Variants in SATB1 observed in about 807,000 individuals in gnomAD.
SATB1 encodes the protein DNA-binding protein SATB1.
In SATB1, 11 loss-of-function variants were observed where a neutral mutation model predicts 86.9. The ratio of observed to expected loss-of-function variants is 0.13; its 90% CI spans 0.08 to 0.21. The LOEUF (loss-of-function observed/expected upper bound fraction) is 0.21. Ranked by LOEUF, SATB1 falls within the 10% of genes least tolerant of loss-of-function variation. The pLI, the probability that SATB1 is intolerant of heterozygous loss-of-function variation, is 1.00. For missense variants in SATB1, 551 were observed against 937.6 expected (o/e 0.59, Z 5.39); for synonymous variants, 357 against 357.2 (o/e 1.00, Z 0.01).
At chr3:18,351,432 G>A in intron 10 of SATB1, 1 of 1,498,838 alleles carries the variant, frequency 6.7e-7, no homozygotes, top group Non-Finnish European at 9.0e-7. Context: ...AAACAGAGAT[G>A]ACTCACCCCT....
intron 5 of SATB1, among the ~76,000 whole-genome samples, chr3:18,405,712 G>C (rs1431290619): frequency 1.3e-5 from 2 of 151,842 alleles, no homozygotes; most frequent in Non-Finnish European, 2.9e-5. Flanking sequence ...CCCAAAATTG[G>C]CTTATAATTT....
At chr3:18,445,153 C>G (rs1364283003) in intron 1 of SATB1, 1 of 903,000 alleles carries the variant, frequency 1.1e-6, no homozygotes, top group African/African-American at 1.8e-5. Context: ...GCTTGTGCGG[C>G]GCGGGCTGGC....
chr3:18,414,600 T>C, intron 5 of SATB1, among the ~76,000 whole-genome samples: 1 of 152,090 alleles, frequency 6.6e-6, no homozygotes, highest in East Asian at 1.9e-4. Flanking sequence ...CAACCTTTAG[T>C]TAAGAGTAAT....
intron 7 of SATB1, among the ~76,000 whole-genome samples, chr3:18,388,511 T>C (rs998364756): frequency 6.6e-6 from 1 of 152,128 alleles, no homozygotes; most frequent in Non-Finnish European, 1.5e-5. Flanking sequence ...AATAATCTAA[T>C]ATTCACTTTC....
rs1412299986 is a variant in SATB1, at chr3:18,444,650, C to T, written c.-25+868G>A. 4 of 983,946 alleles carry T rather than the reference C, an allele frequency of 4.1e-6. No homozygotes were observed. Among genetic ancestry groups the T allele is most frequent in the East Asian group, 1.2e-4 (1 of 8,560 alleles). 61.0% of individuals were successfully genotyped at this position (983,946 alleles called of 1,614,324 possible). On this transcript the variant is annotated intron_variant, in intron 1 of 3. Coordinates refer to the SATB1 transcript ENST00000415069. The surrounding 1 kb of genome is among the most constrained non-coding windows in gnomAD (Gnocchi z 5.1). ...GGCGGCGGTGGCTGTCGAGTGCGGG[C>T]CTGAAACCAAGAACGGCTCCCCGGG...
chr3:18,349,494 C>G lies in SATB1; in HGVS notation c.1968G>C (p.Leu656Phe). 6.2e-7 allele frequency: 1 copy of G among 1,614,136 alleles called. No individual in the cohort carries two copies. Among genetic ancestry groups the G allele is most frequent in the Non-Finnish European group, 8.5e-7 (1 of 1,180,026 alleles). ...CTTGTATGAAACTCTGGAGGATTCC[C>G]AAGGCTTCCACTGAAATTTTTGTTC... Reference protein sequence around the residue: ...RPRTKISVEALGILQSFIQDV... With the variant: ...RPRTKISVEAFGILQSFIQDV... Residue 656 changes from leucine to phenylalanine, a missense_variant, in exon 11 of 11, where the codon TTG becomes TTC. By Grantham distance (22) the Leu-to-Phe change is conservative (BLOSUM62 0). This residue lies in a region of SATB1 where 87 missense variants were observed against 103.6 expected (regional missense o/e 0.84). Transcript: ENST00000338745. This position sits in a 1 kb window ranked among gnomAD's most constrained non-coding sequence, Gnocchi z 5.5.
intron 9 of SATB1, among the ~76,000 whole-genome samples, chr3:18,362,476 C>A (rs1694948378): frequency 6.6e-6 from 1 of 151,960 alleles, no homozygotes; most frequent in Admixed American, 6.6e-5. Context: ...ATACTGTATA[C>A]ACCTCTGCAA....
intron 6 of SATB1, among the ~76,000 whole-genome samples, chr3:18,395,718 G>A (rs1421594717): frequency 1.3e-5 from 2 of 152,148 alleles, no homozygotes; most frequent in Non-Finnish European, 2.9e-5. Flanking sequence ...GCAGGGAATC[G>A]TTCTGGTACA....
intron 5 of SATB1, among the ~76,000 whole-genome samples, chr3:18,405,145 ATTATG>A (rs1348404300): frequency 6.6e-6 from 1 of 152,034 alleles, no homozygotes; most frequent in Non-Finnish European, 1.5e-5. Context: ...TAACTTATAT[ATTATG>A]TTATATCCAA....
intron 9 of SATB1, among the ~76,000 whole-genome samples, chr3:18,371,405 T>C (rs1353137945): frequency 1.3e-5 from 2 of 152,164 alleles, no homozygotes; most frequent in African/African-American, 4.8e-5. Flanking sequence ...TATTTTTAAA[T>C]GGGTGGTCTA....
At chr3:18,409,229 T>G (rs1167140098) in intron 5 of SATB1, 3 of 152,110 alleles carry the variant, frequency 2.0e-5, no homozygotes, top group Non-Finnish European at 4.4e-5. Context: ...TTAAATTAGA[T>G]GCTTTATTAA....
chr3:18,443,826 G>A lies in SATB1; in HGVS notation c.-25+1692C>T, dbSNP rs1053939910. 2.0e-5 allele frequency among the ~76,000 whole-genome samples: 3 copies of A among 152,200 alleles called. No individual in the cohort carries two copies. The highest frequency in any genetic ancestry group is 7.2e-5 in the African/African-American group (3 of 41,442). ...CTGCACCTGTGATGTCCCGGCCCCT[G>A]CTAAGAGGACGGCCCTTTCTTCTGC... On this transcript the variant is annotated intron_variant, in intron 1 of 3. Coordinates refer to the SATB1 transcript ENST00000415069. This position sits in a 1 kb window ranked among gnomAD's most constrained non-coding sequence, Gnocchi z 4.4.
chr3:18,358,070 A>T (rs899511907), intron 9 of SATB1, among the ~76,000 whole-genome samples: 2 of 151,994 alleles, frequency 1.3e-5, no homozygotes, highest in African/African-American at 4.8e-5. Flanking sequence ...AAATTTCATC[A>T]TCTAGACCAT....
In SATB1 at chr3:18,409,916, C is replaced by T. The variant is rs183365591; in HGVS notation, c.639+5195G>A. ...CAAACAGACCCAAGAAATTCATCTG[C>T]CCACTATTTCTAATGAAAATGACTA... On this transcript the variant is annotated intron_variant, in intron 5 of 10. Transcript: ENST00000338745. Among the ~76,000 whole-genome samples, 43 of 152,100 alleles carry T rather than the reference C, an allele frequency of 2.8e-4. 1 individual carries two copies. In the East Asian group the frequency reaches 8.0e-3, roughly 28 times the overall value.
rs1475934557 is a variant in SATB1, at chr3:18,349,395, G to C, written c.2067C>G (p.Ile689Met). 6.2e-7 allele frequency: 1 copy of C among 1,614,202 alleles called. No individual in the cohort carries two copies. Among genetic ancestry groups the C allele is most frequent in the Admixed American group, 1.7e-5 (1 of 60,022 alleles). ...ACCGCTGGTTCTGAAAGAACTTGAT[G>C]ATGGTGTACTTGGGAAGGTCGAGCT... ...SAQLDLPKYTIIKFFQNQRYY... is the reference protein window; with the variant it reads ...SAQLDLPKYTMIKFFQNQRYY... Residue 689 changes from isoleucine (I) to methionine (M), a missense_variant, in exon 11 of 11, where the codon ATC (isoleucine) becomes ATG (methionine). This residue lies in a region of SATB1 where 33 missense variants were observed against 85.4 expected (regional missense o/e 0.39). Transcript: ENST00000338745. This position sits in a 1 kb window ranked among gnomAD's most constrained non-coding sequence, Gnocchi z 5.5.
intron 5 of SATB1, among the ~76,000 whole-genome samples, chr3:18,405,326 C>T (rs943626687): frequency 6.6e-6 from 1 of 151,878 alleles, no homozygotes; most frequent in Non-Finnish European, 1.5e-5. Flanking sequence ...AATCGCTCAT[C>T]CTCTCTAGAG....
At chr3:18,398,918 G>T (rs1262609354) in intron 5 of SATB1, among the ~76,000 whole-genome samples, 2 of 152,146 alleles carry the variant, frequency 1.3e-5, no homozygotes, top group South Asian at 4.1e-4. Context: ...TGATCTGTCA[G>T]CTTCAATCTC....
At chr3:18,389,018 A>G (rs971367143) in intron 7 of SATB1, among the ~76,000 whole-genome samples, 28 of 152,130 alleles carry the variant, frequency 1.8e-4, no homozygotes, top group African/African-American at 6.3e-4. Context: ...TAGTTATGTC[A>G]CTTGGGAGAA....
chr3:18,420,727 C>T, intron 2 of SATB1, 30 bp downstream of exon 2: 1 of 1,596,708 alleles, frequency 6.3e-7, no homozygotes, highest in African/African-American at 1.3e-5. Flanking sequence ...GGGCTTTCAG[C>T]TTTTCAAGAT....
Sources: allele counts gnomAD v4.1 joint callset (sites outside exome capture counted in the v4.1 genomes callset), GRCh38; gene constraint gnomAD v4.1.1; regional missense constraint gnomAD v4.1.1; non-coding constraint Gnocchi (gnomAD v3.1); transcripts MANE v1.5; gene names NCBI Gene and HGNC (gene_info 2026-07-23, HGNC 2026-07-21).